The following DDR2 variants were observed in gnomAD, a reference collection of about 807,000 sequenced individuals.
DDR2 encodes the protein discoidin domain-containing receptor 2.
A neutral mutation model predicts 94.9 loss-of-function variants in DDR2; 27 were observed. The ratio of observed to expected loss-of-function variants is 0.28; its 90% CI spans 0.21 to 0.39. DDR2 has a LOEUF of 0.39. DDR2 is among the 10% of genes least tolerant of loss of function. The pLI is 1.00. For synonymous variants in DDR2, 382 were observed against 377.2 expected, an observed-to-expected ratio of 1.01 and a Z score of -0.15; for missense variants, 783 against 1,076.0, an observed-to-expected ratio of 0.73 and a Z score of 3.81.
chr1:162,706,397 G>A (rs957668896), intron 2 of DDR2, among the ~76,000 whole-genome samples: 2 of 152,174 alleles, frequency 1.3e-5, no homozygotes, highest in Admixed American at 1.3e-4. Context: ...TATCCTCAAA[G>A]CATCGTCTGA....
intron 3 of DDR2, among the ~76,000 whole-genome samples, chr1:162,723,485 A>G (rs1293737597): frequency 6.6e-6 from 1 of 152,110 alleles, no homozygotes; most frequent in East Asian, 1.9e-4. Flanking sequence ...ATATAAAACC[A>G]CTGTTTCAGT....
chr1:162,749,073 C>A (rs1042628482), intron 3 of DDR2, among the ~76,000 whole-genome samples: 1 of 152,190 alleles, frequency 6.6e-6, no homozygotes, highest in African/African-American at 2.4e-5. Context: ...AAAATTGACA[C>A]TCTAACATCA....
intron 13 of DDR2, among the ~76,000 whole-genome samples, chr1:162,772,895 GA>G (rs1236309540): frequency 6.6e-6 from 1 of 152,156 alleles, no homozygotes; most frequent in Non-Finnish European, 1.5e-5. Context: ...GGTTTCCTAA[GA>G]CATGTTATTG....
chr1:162,774,138 T>C (rs1647393055), intron 14 of DDR2, among the ~76,000 whole-genome samples: 1 of 152,222 alleles, frequency 6.6e-6, no homozygotes, highest in Non-Finnish European at 1.5e-5. Flanking sequence ...GATCCACAGT[T>C]CTCTAGCAGT....
At position 162,780,400 on chromosome 1, in the gene DDR2, C is replaced by A; in HGVS notation, c.*154C>A. On this transcript the variant is annotated 3_prime_UTR_variant, in exon 18 of 18. Coordinates refer to ENST00000367921, the MANE Select transcript of DDR2 (RefSeq NM_006182.4). ...CTCTTTTCCTGGTCACCCCCACTCC[C>A]TACCCCTGACTCATATACACTTTTT... is the stretch of plus-strand genomic sequence containing the variant. 9.4e-7 allele frequency: 1 copy of A among 1,067,212 alleles called. No homozygotes were observed. 66.1% of individuals were successfully genotyped at this position (1,067,212 alleles called of 1,614,324 possible). A position where few individuals can be genotyped will look rare whatever the true frequency, so the allele number is the denominator to read the frequency against.
chr1:162,750,438 G>A lies in DDR2; in HGVS notation c.83-2657G>A, dbSNP rs1406852309. 8.5e-5 allele frequency among the ~76,000 whole-genome samples: 13 copies of A among 152,218 alleles called. No homozygotes were observed. The East Asian group carries it at 2.3e-3, about 27-fold the overall frequency. ...AATACCTAGGAATCCAACTTACAAG[G>A]GATGTGAAGGACCTCTTCAAGGAGA... On this transcript the variant is annotated intron_variant, in intron 3 of 17. Coordinates refer to ENST00000367921, the MANE Select transcript of DDR2 (RefSeq NM_006182.4).
At chr1:162,776,672 C>T (rs1408918871) in intron 16 of DDR2, among the ~76,000 whole-genome samples, 1 of 152,018 alleles carries the variant, frequency 6.6e-6, no homozygotes, top group Non-Finnish European at 1.5e-5. Context: ...TATTAAAAAC[C>T]TTATCATTTA....
chr1:162,780,055 C>T (rs1647810118), intron 17 of DDR2, 57 bp from the exon 18 acceptor site: 2 of 1,610,814 alleles, frequency 1.2e-6, no homozygotes, highest in Non-Finnish European at 8.5e-7. Context: ...TTTCCCCCGT[C>T]TTTGTAATAT....
intron 2 of DDR2, among the ~76,000 whole-genome samples, chr1:162,675,512 G>C (rs1255686571): frequency 6.6e-6 from 1 of 152,210 alleles, no homozygotes; most frequent in Admixed American, 6.5e-5. Flanking sequence ...GGCTTTCAAG[G>C]AACCACTTTG....
intron 2 of DDR2, among the ~76,000 whole-genome samples, chr1:162,676,882 G>A (rs189339526): frequency 5.4e-4 from 82 of 152,306 alleles, no homozygotes; most frequent in African/African-American, 1.8e-3. Context: ...GAACAAGCAC[G>A]CCCTGCAGAC....
In DDR2 at chr1:162,773,351, CT is replaced by C. The variant is rs1275054285; in HGVS notation, c.1729-114del. On this transcript the variant is annotated intron_variant, in intron 13 of 17. Transcript: ENST00000367921. ...ATGTTACACATATCTTCTTATTGGT[CT>C]TTTGATCATTTTGCCTGAGTTGTAA... 1.8e-5 allele frequency: 25 copies of C among 1,375,866 alleles called. No homozygotes were observed. The African/African-American group carries it at 2.7e-4, about 15-fold the overall frequency. The allele number at this position is 1,375,866 out of a possible 1,614,324, so 85.2% of individuals were successfully genotyped here.
intron 2 of DDR2, among the ~76,000 whole-genome samples, chr1:162,680,193 C>T (rs985464110): frequency 3.3e-5 from 5 of 152,090 alleles, no homozygotes; most frequent in Non-Finnish European, 7.4e-5. Flanking sequence ...GTCTTCATCA[C>T]GAAATCTTTG....
chr1:162,777,029 G>A (rs1007987760), intron 16 of DDR2, among the ~76,000 whole-genome samples: 7 of 152,006 alleles, frequency 4.6e-5, no homozygotes, highest in African/African-American at 1.7e-4. Context: ...TTTTTCTTGT[G>A]TGACATTGCA....
chr1:162,759,763 C>T (rs375646357), intron 7 of DDR2, 33 bp from the exon 8 acceptor site: 2 of 1,612,610 alleles, frequency 1.2e-6, no homozygotes, highest in Non-Finnish European at 1.7e-6. Context: ...AGATTTCTCT[C>T]TCCTTTTCCT....
intron 2 of DDR2, among the ~76,000 whole-genome samples, chr1:162,715,518 TGAG>T (rs1169477246): frequency 4.8e-4 from 73 of 152,128 alleles, no homozygotes; most frequent in Non-Finnish European, 5.9e-5. Context: ...GTGGAGAGGA[TGAG>T]GAGAAGGGCA....
chr1:162,676,627 C>G (rs1342541709), intron 2 of DDR2, among the ~76,000 whole-genome samples: 6 of 152,202 alleles, frequency 3.9e-5, no homozygotes, highest in African/African-American at 1.4e-4. Context: ...GAAACAACAG[C>G]AATAATAGTT....
intron 2 of DDR2, among the ~76,000 whole-genome samples, chr1:162,707,543 C>A (rs1660717137): frequency 6.6e-6 from 1 of 152,204 alleles, no homozygotes. Context: ...ATCTATTGCA[C>A]CAACCCTGCA....
At chr1:162,709,823 G>T (rs563477408) in intron 2 of DDR2, among the ~76,000 whole-genome samples, 6 of 152,186 alleles carry the variant, frequency 3.9e-5, no homozygotes, top group Non-Finnish European at 7.3e-5. Context: ...GATTGCTAGG[G>T]CTCACCAAGG....
At chr1:162,648,067 T>G (rs1657501799) in intron 1 of DDR2, among the ~76,000 whole-genome samples, 1 of 152,080 alleles carries the variant, frequency 6.6e-6, no homozygotes, top group Non-Finnish European at 1.5e-5. Context: ...CTTTTTTTTT[T>G]TTTTGAGTAC....
Sources: gnomAD v4.1 joint callset for allele counts (sites outside exome capture counted in the v4.1 genomes callset) on GRCh38, gnomAD v4.1.1 for gene constraint, MANE v1.5 for transcripts, NCBI Gene and HGNC (gene_info 2026-07-23, HGNC 2026-07-21) for gene names.